The following PALM2AKAP2 variants were observed in gnomAD, a reference collection of about 807,000 sequenced individuals.
PALM2AKAP2 encodes the protein PALM2-AKAP2 fusion protein.
Under a neutral mutation model 71.5 loss-of-function variants are expected in PALM2AKAP2, and 37 were observed. The ratio of observed to expected loss-of-function variants is 0.52; its 90% CI spans 0.40 to 0.68. PALM2AKAP2 has a LOEUF of 0.68. Among genes scored for constraint, PALM2AKAP2 ranks in the 30% least tolerant of loss-of-function variants. The probability of loss-of-function intolerance (pLI) is 0.00; values close to 1 mark genes in which losing one functional copy is unlikely to be tolerated. For missense variants in PALM2AKAP2, 1,224 were observed against 1,191.8 expected (o/e 1.03, Z -0.40); for synonymous variants, 468 against 478.8 (o/e 0.98, Z 0.29).
intron 3 of PALM2AKAP2, among the ~76,000 whole-genome samples, chr9:109,916,126 T>C (rs923516033): frequency 2.0e-5 from 3 of 152,208 alleles, no homozygotes; most frequent in Non-Finnish European, 2.9e-5. Flanking sequence ...GTATTTTTAG[T>C]AGAGACGGAG....
intron 6 of PALM2AKAP2, among the ~76,000 whole-genome samples, chr9:109,946,936 A>G (rs1831523775): frequency 6.6e-6 from 1 of 152,200 alleles, no homozygotes. Context: ...AATAAGACAA[A>G]CTAAGGGGAA....
intron 3 of PALM2AKAP2, among the ~76,000 whole-genome samples, chr9:109,911,179 A>G (rs1366835651): frequency 1.3e-5 from 2 of 152,120 alleles, no homozygotes; most frequent in African/African-American, 4.8e-5. Flanking sequence ...AAAAAGGGAC[A>G]TTTTTAGGGG....
chr9:109,778,133 G>A (rs1829374431), upstream of PALM2AKAP2, among the ~76,000 whole-genome samples: 1 of 152,170 alleles, frequency 6.6e-6, no homozygotes, highest in African/African-American at 2.4e-5. Flanking sequence ...TCACACTGTT[G>A]TGCTCAATCA....
chr9:109,845,310 G>A (rs1216429426), intron 1 of PALM2AKAP2, among the ~76,000 whole-genome samples: 3 of 152,218 alleles, frequency 2.0e-5, no homozygotes, highest in African/African-American at 7.2e-5. Flanking sequence ...TAAGGCTAGA[G>A]TAAGGACATT....
intron 1 of PALM2AKAP2, among the ~76,000 whole-genome samples, chr9:109,647,938 T>C (rs1328546906): frequency 1.3e-5 from 2 of 152,210 alleles, no homozygotes; most frequent in African/African-American, 4.8e-5. Context: ...GCAGTTATAG[T>C]GTGATATAGT....
chr9:109,924,741 C>T (rs1830913236), intron 4 of PALM2AKAP2, among the ~76,000 whole-genome samples: 1 of 152,146 alleles, frequency 6.6e-6, no homozygotes, highest in Non-Finnish European at 1.5e-5. Context: ...TTCTGCTGTA[C>T]CTATGAGTGA....
At chr9:110,083,501 A>C (rs550963127) in intron 1 of PALM2AKAP2, among the ~76,000 whole-genome samples, 1 of 152,348 alleles carries the variant, frequency 6.6e-6, no homozygotes, top group East Asian at 1.9e-4. Flanking sequence ...GTTGGTTCTC[A>C]GCCTTCCCCA....
At chr9:110,048,836 C>A in exon 1 of PALM2AKAP2, 1 of 1,524,628 alleles carries the variant, frequency 6.6e-7, no homozygotes, top group East Asian at 2.5e-5. Flanking sequence ...GACTGCGCCC[C>A]CGGGAGCGGG....
chr9:109,888,667 A>C (rs1361874668), intron 3 of PALM2AKAP2, among the ~76,000 whole-genome samples: 1 of 137,262 alleles, frequency 7.3e-6, no homozygotes, highest in Non-Finnish European at 1.5e-5. Flanking sequence ...CCGAGATCGC[A>C]CCATTGCACT....
intron 1 of PALM2AKAP2, among the ~76,000 whole-genome samples, chr9:109,657,809 G>A (rs1038948353): frequency 1.3e-5 from 2 of 152,012 alleles, no homozygotes; most frequent in Non-Finnish European, 2.9e-5. Context: ...TTTTTCTTTG[G>A]GTCTCAGGAT....
intron 1 of PALM2AKAP2, among the ~76,000 whole-genome samples, chr9:109,783,105 T>C (rs1826863079): frequency 6.6e-6 from 1 of 152,000 alleles, no homozygotes; most frequent in Admixed American, 6.6e-5. Flanking sequence ...CCTTGGGCAG[T>C]CTTTAGTCTG....
chr9:109,791,351 CT>C (rs1827107419), intron 1 of PALM2AKAP2, among the ~76,000 whole-genome samples: 1 of 152,240 alleles, frequency 6.6e-6, no homozygotes, highest in Non-Finnish European at 1.5e-5. Flanking sequence ...ACCGTCATCT[CT>C]TTCTACTTGA....
Position 109,897,584 on chromosome 9 carries a change from GA to G in PALM2AKAP2, c.257+16913del, listed in dbSNP as rs370434556. 5.6e-3 allele frequency among the ~76,000 whole-genome samples: 824 copies of G among 147,316 alleles called. 6 individuals are homozygous for G. The highest frequency in any genetic ancestry group is 0.03 in the East Asian group (150 of 5,080). On this transcript the variant is annotated intron_variant, in intron 3 of 9. Transcript: ENST00000302798. ...ACAGAGGGAGACTCCATCTCAAAAA[GA>G]AAAAAAAAATAGTATTTGACAATGA...
intron 1 of PALM2AKAP2, among the ~76,000 whole-genome samples, chr9:109,757,097 C>T (rs1828975369): frequency 6.6e-6 from 1 of 152,062 alleles, no homozygotes; most frequent in South Asian, 2.1e-4. Context: ...ATTCGCCAAC[C>T]ACTCTTTATC....
At chr9:109,732,190 G>C (rs527596668) in intron 1 of PALM2AKAP2, among the ~76,000 whole-genome samples, 1 of 152,204 alleles carries the variant, frequency 6.6e-6, no homozygotes, top group Admixed American at 6.5e-5. Context: ...GACATTGCAC[G>C]TAAGAATAGC....
rs58776455 is a variant in PALM2AKAP2 at position 109,648,753 on chromosome 9, C to G, written c.5+7887C>G. Among the ~76,000 whole-genome samples the G allele has an allele frequency of 2.0e-5, 3 of 152,194 alleles. No homozygotes were observed. The South Asian group carries it at 6.2e-4, about 32-fold the overall frequency. On this transcript the variant is annotated intron_variant, in intron 1 of 6. Coordinates refer to the PALM2AKAP2 transcript ENST00000374531. ...GATCTAAATGCAGTCAGAACACCAC[C>G]AGCCCTTTCATCAATGACATCCTCT... is the stretch of plus-strand genomic sequence containing the variant.
At chr9:109,648,971 A>G (rs1827188551) in intron 1 of PALM2AKAP2, among the ~76,000 whole-genome samples, 1 of 152,070 alleles carries the variant, frequency 6.6e-6, no homozygotes, top group Non-Finnish European at 1.5e-5. Flanking sequence ...GTGTTCTGGC[A>G]TTGACCCTTG....
intron 7 of PALM2AKAP2, among the ~76,000 whole-genome samples, chr9:110,024,507 G>T (rs1253641809): frequency 6.6e-6 from 1 of 151,998 alleles, no homozygotes; most frequent in African/African-American, 2.4e-5. Context: ...TGCCAGGCTG[G>T]GCATGGTGGC....
intron 1 of PALM2AKAP2, among the ~76,000 whole-genome samples, chr9:110,110,396 A>G (rs900167383): frequency 6.6e-6 from 1 of 152,082 alleles, no homozygotes; most frequent in African/African-American, 2.4e-5. Context: ...AGCAAACCAC[A>G]GTGGCACTGC....
Sources: allele counts gnomAD v4.1 joint callset (sites outside exome capture counted in the v4.1 genomes callset), GRCh38; gene constraint gnomAD v4.1.1; transcripts MANE v1.5; gene names NCBI Gene and HGNC (gene_info 2026-07-23, HGNC 2026-07-21).